Variants in VSIG10 observed in about 807,000 individuals in gnomAD.
VSIG10 encodes V-set and immunoglobulin domain containing 10.
Under a neutral mutation model 58.7 loss-of-function variants are expected in VSIG10, and 48 were observed. The observed-to-expected ratio is 0.82, with a 90% CI of 0.65 to 1.04. The LOEUF is 1.04. Ranked by LOEUF, VSIG10 falls within the 50% of genes least tolerant of loss-of-function variation. The probability of loss-of-function intolerance (pLI) is 0.00; values close to 1 mark genes in which losing one functional copy is unlikely to be tolerated. For missense variants in VSIG10, 628 were observed against 670.0 expected, an observed-to-expected ratio of 0.94 and a Z score of 0.69; for synonymous variants, 260 against 267.1, an observed-to-expected ratio of 0.97 and a Z score of 0.26.
chr12:118,103,672 C>G lies in VSIG10; in HGVS notation c.-1G>C, dbSNP rs1403407576. 1 of 1,492,804 alleles carries G rather than the reference C, an allele frequency of 6.7e-7. No individual in the cohort carries two copies. The highest frequency in any genetic ancestry group is 8.9e-7 in the Non-Finnish European group (1 of 1,126,346). The allele number at this position is 1,492,804 out of a possible 1,614,324, so 92.5% of individuals were successfully genotyped here. A position where few individuals can be genotyped will look rare whatever the true frequency, so the allele number is the denominator to read the frequency against. On this transcript the variant is annotated 5_prime_UTR_variant, in exon 1 of 9. Coordinates refer to ENST00000359236, the MANE Select transcript of VSIG10 (RefSeq NM_019086.6). ...CGGGCGCACTGCCGCCTGCGGCCATCTCGCCCCAGATCCCGGCTCAGGAAA... is the reference window on the plus strand; with the variant it reads ...CGGGCGCACTGCCGCCTGCGGCCATGTCGCCCCAGATCCCGGCTCAGGAAA...
At position 118,103,721 on chromosome 12, in the gene VSIG10, G is replaced by A. The variant is rs1191494111; in HGVS notation, c.-50C>T. 11 of 1,411,390 alleles carry A rather than the reference G, an allele frequency of 7.8e-6. No individual in the cohort carries two copies. The South Asian group carries it at 1.2e-4, about 15-fold the overall frequency. The allele number at this position is 1,411,390 out of a possible 1,614,324, so 87.4% of individuals were successfully genotyped here. A position where few individuals can be genotyped will look rare whatever the true frequency, so the allele number is the denominator to read the frequency against. On this transcript the variant is annotated 5_prime_UTR_variant, in exon 1 of 9. In the 5' UTR this introduces an upstream ATG that the reference lacks. Coordinates refer to ENST00000359236, the MANE Select transcript of VSIG10 (RefSeq NM_019086.6). ...AACGCAGGCTCGGGCTGGGCTGGAC[G>A]TGTGTGCCCCAGGGCCCCGGGGCCC...
At chr12:118,099,960 A>G (rs1447358141) in intron 1 of VSIG10, among the ~76,000 whole-genome samples, 1 of 152,204 alleles carries the variant, frequency 6.6e-6, no homozygotes. Flanking sequence ...AAACAAACGA[A>G]CAAACAAACA....
intron 8 of VSIG10, 49 bp downstream of exon 8, chr12:118,068,328 C>A: frequency 6.3e-7 from 1 of 1,594,184 alleles, no homozygotes; most frequent in South Asian, 1.1e-5. Context: ...AGCCAACGCG[C>A]CTTTTTTTGT....
intron 7 of VSIG10, among the ~76,000 whole-genome samples, chr12:118,069,729 G>C (rs763890600): frequency 1.3e-4 from 20 of 151,934 alleles, no homozygotes; most frequent in Non-Finnish European, 2.8e-4. Context: ...ACCCGGCCTG[G>C]ACTATGCATT....
At chr12:118,077,053 CTCTT>C (rs1170763943) in intron 4 of VSIG10, among the ~76,000 whole-genome samples, 1 of 152,210 alleles carries the variant, frequency 6.6e-6, no homozygotes, top group Non-Finnish European at 1.5e-5. Context: ...TCTGCAAAGA[CTCTT>C]TCTGAATAAA....
At chr12:118,100,332 C>T (rs949421642) in intron 1 of VSIG10, among the ~76,000 whole-genome samples, 3 of 151,546 alleles carry the variant, frequency 2.0e-5, no homozygotes, top group African/African-American at 7.3e-5. Context: ...CCCGTTTCTA[C>T]TAAAAATACA....
At chr12:118,087,012 C>G (rs1396267995) in intron 2 of VSIG10, among the ~76,000 whole-genome samples, 1 of 151,686 alleles carries the variant, frequency 6.6e-6, no homozygotes, top group African/African-American at 2.4e-5. Context: ...ATCTGCCCAC[C>G]TTGGTCTCCC....
chr12:118,089,562 C>T (rs1192053435), intron 2 of VSIG10, among the ~76,000 whole-genome samples: 1 of 152,154 alleles, frequency 6.6e-6, no homozygotes, highest in Non-Finnish European at 1.5e-5. Flanking sequence ...CCCGTAGGCT[C>T]ACAGTGGGAA....
At chr12:118,068,660 CTGAA>C in intron 7 of VSIG10, 63 bp from the exon 8 acceptor site, 2 of 1,470,174 alleles carry the variant, frequency 1.4e-6, no homozygotes, top group Non-Finnish European at 1.8e-6. Flanking sequence ...TCAGCCCTCA[CTGAA>C]TAGGAAACAC....
At position 118,075,639 on chromosome 12, in the gene VSIG10, G is replaced by A. The variant is rs147072506; in HGVS notation, c.926-1647C>T. On this transcript the variant is annotated intron_variant, in intron 4 of 8. Transcript: ENST00000359236. Reference sequence around the variant, plus strand: ...CAAAGTGCTGGGATTACAGGCATGAGCCACCGTGCCTGGCCAACTCCAGAA... The same window carrying A: ...CAAAGTGCTGGGATTACAGGCATGAACCACCGTGCCTGGCCAACTCCAGAA... Among the ~76,000 whole-genome samples, 282 of 152,240 alleles carry A rather than the reference G, an allele frequency of 1.9e-3. 1 individual carries two copies. Among genetic ancestry groups the A allele is most frequent in the Middle Eastern group, 0.014 (4 of 294 alleles).
chr12:118,102,722 G>C (rs1251572196), intron 1 of VSIG10: 1 of 152,086 alleles, frequency 6.6e-6, no homozygotes, highest in East Asian at 1.9e-4. Context: ...GTTGGGTGGA[G>C]CAGACCCGGG....
rs1441943165 is a variant in VSIG10 at position 118,064,529 on chromosome 12, T to C, written c.*2110A>G. 1 of 152,034 alleles carries C rather than the reference T, an allele frequency of 6.6e-6. No individual in the cohort carries two copies. Among genetic ancestry groups the C allele is most frequent in the Non-Finnish European group, 1.5e-5 (1 of 68,020 alleles). 9.4% of individuals were successfully genotyped at this position (152,034 alleles called of 1,614,324 possible). On this transcript the variant is annotated 3_prime_UTR_variant, in exon 9 of 9. Transcript: ENST00000359236. ...TAGACTCTTCAATTCTGGAATTTGG[T>C]TGCCGAAGACTCTAAAGGAGAGACT...
intron 1 of VSIG10, among the ~76,000 whole-genome samples, chr12:118,097,808 A>G (rs1018847528): frequency 6.6e-6 from 1 of 152,014 alleles, no homozygotes; most frequent in Non-Finnish European, 1.5e-5. Flanking sequence ...CTGTAATCCC[A>G]GCTACTCGGG....
chr12:118,097,740 G>A (rs920663646), intron 1 of VSIG10, among the ~76,000 whole-genome samples: 1 of 151,952 alleles, frequency 6.6e-6, no homozygotes, highest in African/African-American at 2.4e-5. Context: ...TGGCCAACAT[G>A]GTGAAACCCC....
chr12:118,067,049 T>C (rs527431826), intron 8 of VSIG10, among the ~76,000 whole-genome samples: 19 of 151,968 alleles, frequency 1.3e-4, no homozygotes, highest in African/African-American at 4.4e-4. Context: ...CGGGCTCTTA[T>C]CTTTCTCTGA....
intron 1 of VSIG10, chr12:118,102,171 C>CTGAA (rs2033639014): frequency 1.3e-5 from 2 of 152,252 alleles, no homozygotes; most frequent in African/African-American, 4.8e-5. Flanking sequence ...GGCAGTCAGC[C>CTGAA]TGAAAGCCAG....
chr12:118,066,996 G>A (rs1459003625), intron 8 of VSIG10, among the ~76,000 whole-genome samples: 2 of 151,892 alleles, frequency 1.3e-5, no homozygotes, highest in Non-Finnish European at 2.9e-5. Context: ...CTTGCTTCAT[G>A]TCTACCTCTT....
At chr12:118,067,642 G>C (rs1377011861) in intron 8 of VSIG10, among the ~76,000 whole-genome samples, 2 of 134,682 alleles carry the variant, frequency 1.5e-5, no homozygotes, top group Admixed American at 1.5e-4. Flanking sequence ...TGTATTTTTA[G>C]TAGAGATGGG....
intron 8 of VSIG10, among the ~76,000 whole-genome samples, chr12:118,067,465 T>TTTTC (rs2032293836): frequency 1.7e-5 from 1 of 57,864 alleles, no homozygotes; most frequent in Admixed American, 1.9e-4. Context: ...TAAACTGGCC[T>TTTTC]TTTTTTTTTT....
Sources: allele counts gnomAD v4.1 joint callset (sites outside exome capture counted in the v4.1 genomes callset), GRCh38; gene constraint gnomAD v4.1.1; transcripts MANE v1.5; gene names NCBI Gene and HGNC (gene_info 2026-07-23, HGNC 2026-07-21).